The following CABCOCO1 variants were observed in gnomAD, a reference collection of about 807,000 sequenced individuals.
CABCOCO1 encodes the protein ciliary-associated calcium-binding coiled-coil protein 1.
In CABCOCO1, 28 loss-of-function variants were observed where a neutral mutation model predicts 35.7. The ratio of observed to expected loss-of-function variants is 0.78; its 90% CI spans 0.58 to 1.07. The LOEUF (loss-of-function observed/expected upper bound fraction) is 1.07, where lower values mean the gene tolerates loss of function less well. CABCOCO1 is among the 50% of genes least tolerant of loss of function. CABCOCO1 has a pLI of 0.00. For synonymous variants in CABCOCO1, 95 were observed against 100.1 expected, an observed-to-expected ratio of 0.95 and a Z score of 0.30; for missense variants, 326 against 309.2, an observed-to-expected ratio of 1.05 and a Z score of -0.41.
chr10:61,690,943 G>T (rs1017328773), intron 5 of CABCOCO1, among the ~76,000 whole-genome samples: 3 of 151,946 alleles, frequency 2.0e-5, no homozygotes. Context: ...TTGCAAAAAA[G>T]AATAATTATA....
intron 5 of CABCOCO1, among the ~76,000 whole-genome samples, chr10:61,692,690 A>G (rs1840183558): frequency 6.6e-6 from 1 of 152,104 alleles, no homozygotes; most frequent in African/African-American, 2.4e-5. Flanking sequence ...ACTTGTTCTA[A>G]TGCTAGACTT....
At chr10:61,706,984 TA>T (rs1840608048) in intron 5 of CABCOCO1, among the ~76,000 whole-genome samples, 1 of 152,166 alleles carries the variant, frequency 6.6e-6, no homozygotes, top group South Asian at 2.1e-4. Flanking sequence ...GTCCTTTTAT[TA>T]AACCCTCCTC....
chr10:61,696,186 T>C (rs1175768670), intron 5 of CABCOCO1, among the ~76,000 whole-genome samples: 1 of 152,088 alleles, frequency 6.6e-6, no homozygotes, highest in Non-Finnish European at 1.5e-5. Context: ...CCCATTGTTT[T>C]TGAGGAAAGT....
At chr10:61,699,461 A>C (rs1840384871) in intron 5 of CABCOCO1, among the ~76,000 whole-genome samples, 1 of 152,132 alleles carries the variant, frequency 6.6e-6, no homozygotes, top group Admixed American at 6.6e-5. Context: ...GCCCACGAGC[A>C]TCAATCTCAG....
chr10:61,703,635 C>T (rs1840519572), intron 5 of CABCOCO1, among the ~76,000 whole-genome samples: 1 of 152,036 alleles, frequency 6.6e-6, no homozygotes, highest in Admixed American at 6.6e-5. Flanking sequence ...TGAACTAAGG[C>T]ACTGTGCTTT....
chr10:61,757,214 C>T (rs1288043371), intron 5 of CABCOCO1, among the ~76,000 whole-genome samples: 1 of 151,816 alleles, frequency 6.6e-6, no homozygotes, highest in Non-Finnish European at 1.5e-5. Context: ...ATTATTGATT[C>T]TAATTTTCCT....
intron 5 of CABCOCO1, among the ~76,000 whole-genome samples, chr10:61,699,491 CTGAT>C (rs1258373407): frequency 6.6e-6 from 1 of 152,138 alleles, no homozygotes; most frequent in Non-Finnish European, 1.5e-5. Flanking sequence ...GACCAGTTCT[CTGAT>C]TGAGCTAGGT....
chr10:61,677,388 T>A (rs1386154440), intron 2 of CABCOCO1, among the ~76,000 whole-genome samples: 2 of 152,174 alleles, frequency 1.3e-5, no homozygotes, highest in Non-Finnish European at 2.9e-5. Context: ...GAATACATAT[T>A]TCTGATCTAT....
At chr10:61,683,176 C>T (rs1168043228) in intron 3 of CABCOCO1, among the ~76,000 whole-genome samples, 1 of 152,118 alleles carries the variant, frequency 6.6e-6, no homozygotes, top group African/African-American at 2.4e-5. Context: ...CAGGCATTAG[C>T]CACTGTGCCC....
intron 1 of CABCOCO1, among the ~76,000 whole-genome samples, chr10:61,664,960 C>T (rs1307037859): frequency 2.0e-5 from 3 of 152,166 alleles, no homozygotes; most frequent in Non-Finnish European, 2.9e-5. Flanking sequence ...AACAGCTAAT[C>T]GCTTATGGTG....
intron 1 of CABCOCO1, among the ~76,000 whole-genome samples, chr10:61,665,759 C>T (rs1185847598): frequency 6.6e-6 from 1 of 151,500 alleles, no homozygotes; most frequent in South Asian, 2.1e-4. Context: ...TGGTAGCGGG[C>T]GCCTGTAGTC....
At chr10:61,720,914 A>ATTTTTTTTTTTT (rs1840992456) in intron 5 of CABCOCO1, among the ~76,000 whole-genome samples, 1 of 60,284 alleles carries the variant, frequency 1.7e-5, no homozygotes, top group Non-Finnish European at 4.0e-5. Flanking sequence ...TTTTCTTTTC[A>ATTTTTTTTTTTT]TTCTTTTTTT....
rs373539789 is a variant in CABCOCO1, at chr10:61,765,987, C to T, written c.865C>T (p.Arg289Ter). 23 of 1,612,840 alleles carry T rather than the reference C, an allele frequency of 1.4e-5. No homozygotes were observed. The highest frequency in any genetic ancestry group is 1.8e-5 in the Non-Finnish European group (21 of 1,179,350). The part of the protein sequence containing the change: ...LQIQEEAFNA[R>*]IEKLKKA ...AATACAGGAAGAGGCCTTTAATGCA[C>T]GAATAGAAAAATTGAAAAAGGCCTA... is the stretch of plus-strand genomic sequence containing the variant. The change falls in exon 8 of 8, where the codon CGA becomes TGA. Residue 289 changes from arginine to a stop codon, truncating the protein, a stop_gained. Transcript: ENST00000648843. LOFTEE classifies it high-confidence loss of function.
chr10:61,701,441 T>C (rs1222982994), intron 5 of CABCOCO1, among the ~76,000 whole-genome samples: 3 of 152,198 alleles, frequency 2.0e-5, no homozygotes, highest in Non-Finnish European at 4.4e-5. Flanking sequence ...GAGTATGTTA[T>C]TATTCATGAG....
At chr10:61,713,922 T>A (rs553201607) in intron 5 of CABCOCO1, among the ~76,000 whole-genome samples, 2 of 152,214 alleles carry the variant, frequency 1.3e-5, no homozygotes, top group African/African-American at 4.8e-5. Context: ...CAGTATTTTA[T>A]TGAGGATTTT....
intron 5 of CABCOCO1, among the ~76,000 whole-genome samples, chr10:61,708,232 T>C (rs960888348): frequency 6.6e-6 from 1 of 150,896 alleles, no homozygotes; most frequent in African/African-American, 2.4e-5. Flanking sequence ...AATTCATGAA[T>C]GTGTTGTTGT....
intron 2 of CABCOCO1, among the ~76,000 whole-genome samples, chr10:61,679,232 G>A (rs1406761610): frequency 6.6e-6 from 1 of 152,026 alleles, no homozygotes; most frequent in Non-Finnish European, 1.5e-5. Context: ...CAGAAGGGCA[G>A]GAGAAAATAT....
intron 4 of CABCOCO1, among the ~76,000 whole-genome samples, chr10:61,687,988 G>A (rs187035411): frequency 1.3e-5 from 2 of 151,926 alleles, no homozygotes; most frequent in Admixed American, 1.3e-4. Flanking sequence ...CCCCTCAAAG[G>A]TCCACAAATG....
intron 5 of CABCOCO1, among the ~76,000 whole-genome samples, chr10:61,739,419 A>G (rs185231511): frequency 4.7e-4 from 71 of 152,322 alleles, no homozygotes; most frequent in African/African-American, 1.7e-3. Flanking sequence ...TTTAAATTCT[A>G]TCTTTGGTAA....
Sources: allele counts gnomAD v4.1 joint callset (sites outside exome capture counted in the v4.1 genomes callset), GRCh38; gene constraint gnomAD v4.1.1; transcripts MANE v1.5; gene names NCBI Gene and HGNC (gene_info 2026-07-23, HGNC 2026-07-21).